DPY19L3: variants seen among roughly 807,000 people sequenced by gnomAD.
DPY19L3 encodes protein C-mannosyl-transferase DPY19L3.
A neutral mutation model predicts 92.3 loss-of-function variants in DPY19L3; 51 were observed. The observed-to-expected ratio is 0.55, with a 90% confidence interval of 0.44 to 0.70. DPY19L3 has a LOEUF of 0.70. DPY19L3 is among the 30% of genes least tolerant of loss of function. The probability of loss-of-function intolerance (pLI) is 0.00; values close to 1 mark genes in which losing one functional copy is unlikely to be tolerated. For missense variants in DPY19L3, 706 were observed against 855.9 expected (o/e 0.82, Z 2.18); for synonymous variants, 309 against 315.2 (o/e 0.98, Z 0.21).
At chr19:32,433,088 G>C (rs1969023249) in intron 4 of DPY19L3, among the ~76,000 whole-genome samples, 2 of 152,158 alleles carry the variant, frequency 1.3e-5, no homozygotes, top group African/African-American at 4.8e-5. Flanking sequence ...TCATTTTGGA[G>C]GAGGTCTTTG....
At chr19:32,448,707 C>G (rs962880818) in intron 8 of DPY19L3, among the ~76,000 whole-genome samples, 1 of 152,188 alleles carries the variant, frequency 6.6e-6, no homozygotes, top group Middle Eastern at 3.4e-3. Flanking sequence ...AGGGGTTAGT[C>G]TTACTGTCTC....
chr19:32,474,742 C>G (rs995559935), intron 16 of DPY19L3, among the ~76,000 whole-genome samples: 1 of 152,134 alleles, frequency 6.6e-6, no homozygotes, highest in South Asian at 2.1e-4. Flanking sequence ...AGGCACCCAC[C>G]ACCACGCCTG....
intron 16 of DPY19L3, 45 bp from the exon 17 acceptor site, chr19:32,477,477 G>C: frequency 6.2e-7 from 1 of 1,609,572 alleles, no homozygotes; most frequent in South Asian, 1.1e-5. Context: ...TTGTCTTTAA[G>C]GATCTCTTAA....
At chr19:32,407,485 C>T (rs1968012603) in intron 1 of DPY19L3, among the ~76,000 whole-genome samples, 1 of 152,180 alleles carries the variant, frequency 6.6e-6, no homozygotes, top group Non-Finnish European at 1.5e-5. Context: ...TCCCACGTGG[C>T]CACTTCTGTG....
intron 3 of DPY19L3, among the ~76,000 whole-genome samples, chr19:32,427,403 C>G (rs1968802875): frequency 6.6e-6 from 1 of 152,252 alleles, no homozygotes; most frequent in African/African-American, 2.4e-5. Context: ...GGCAGTTCTC[C>G]TTTGGCTATA....
At chr19:32,415,628 G>A (rs1308273660) in intron 3 of DPY19L3, among the ~76,000 whole-genome samples, 1 of 152,220 alleles carries the variant, frequency 6.6e-6, no homozygotes, top group Non-Finnish European at 1.5e-5. Flanking sequence ...AGGCTGTGAT[G>A]TGGAAAATGG....
intron 4 of DPY19L3, among the ~76,000 whole-genome samples, chr19:32,434,177 A>G (rs12463060): frequency 0.018 from 2,728 of 152,182 alleles, 253 homozygotes; most frequent in Admixed American, 0.15. Context: ...TAGTACTTTC[A>G]CAGTCATTCA....
intron 12 of DPY19L3, among the ~76,000 whole-genome samples, chr19:32,459,684 A>G (rs542451285): frequency 3.3e-5 from 5 of 152,328 alleles, no homozygotes; most frequent in South Asian, 2.1e-4. Flanking sequence ...GGCCTGCAGT[A>G]TCTTCCTGAA....
intron 3 of DPY19L3, among the ~76,000 whole-genome samples, chr19:32,414,343 C>G (rs1968304109): frequency 1.3e-5 from 2 of 151,902 alleles, no homozygotes; most frequent in Admixed American, 6.6e-5. Context: ...ATGGCGTGAA[C>G]CTGGGAGGCG....
At chr19:32,480,903 C>A in intron 18 of DPY19L3, 1 of 437,400 alleles carries the variant, frequency 2.3e-6, no homozygotes, top group Non-Finnish European at 4.0e-6. Context: ...ACCCACTGCT[C>A]CAACGCTTCG....
intron 3 of DPY19L3, among the ~76,000 whole-genome samples, chr19:32,428,821 GT>G (rs144012951): frequency 1.4e-5 from 2 of 146,304 alleles, no homozygotes; most frequent in South Asian, 2.2e-4. Flanking sequence ...TAGCTGTACA[GT>G]TTTTTTTTTG....
intron 4 of DPY19L3, among the ~76,000 whole-genome samples, chr19:32,434,683 C>T (rs1177695197): frequency 6.6e-6 from 1 of 152,128 alleles, no homozygotes; most frequent in Non-Finnish European, 1.5e-5. Context: ...AAAAAATTAA[C>T]TAATTAATTA....
intron 2 of DPY19L3, among the ~76,000 whole-genome samples, chr19:32,410,824 T>A (rs74534845): frequency 0.049 from 7,424 of 152,256 alleles, 468 homozygotes; most frequent in Admixed American, 0.18. Context: ...GTTTTTAAAA[T>A]AGCTTTTAAA....
chr19:32,426,508 G>A (rs1392239798), intron 3 of DPY19L3, among the ~76,000 whole-genome samples: 1 of 152,176 alleles, frequency 6.6e-6, no homozygotes. Flanking sequence ...TCCATTTAAA[G>A]TGAGAGATGT....
chr19:32,415,425 G>C (rs916979103), intron 3 of DPY19L3, among the ~76,000 whole-genome samples: 2 of 152,196 alleles, frequency 1.3e-5, no homozygotes, highest in African/African-American at 2.4e-5. Flanking sequence ...TGAAGCGTTG[G>C]CAGTAGTTCA....
chr19:32,434,276 C>G (rs568692474), intron 4 of DPY19L3, among the ~76,000 whole-genome samples: 1 of 152,170 alleles, frequency 6.6e-6, no homozygotes, highest in Non-Finnish European at 1.5e-5. Context: ...GCCTCCTTGT[C>G]TCGGCTCTCA....
chr19:32,418,057 A>T (rs964815125), intron 3 of DPY19L3, among the ~76,000 whole-genome samples: 5 of 152,122 alleles, frequency 3.3e-5, no homozygotes, highest in African/African-American at 1.2e-4. Flanking sequence ...TGTGTGGGTG[A>T]GATTGTTTCA....
In DPY19L3 at chr19:32,452,567, C is replaced by T. The variant is rs576376446; in HGVS notation, c.856-578C>T. On this transcript the variant is annotated intron_variant, in intron 8 of 18. Coordinates refer to ENST00000392250, the MANE Select transcript of DPY19L3 (RefSeq NM_001172774.2). The stretch of plus-strand genomic sequence containing the variant: ...CCTTGCCAATTCCCAGGAATAAATA[C>T]ATTCTGCTGTTGTTTACTTCCTCTA... 3.9e-5 allele frequency among the ~76,000 whole-genome samples: 6 copies of T among 152,340 alleles called. No individual in the cohort carries two copies. The South Asian group carries it at 1.2e-3, about 32-fold the overall frequency.
chr19:32,434,080 A>G (rs1336544257), intron 4 of DPY19L3, among the ~76,000 whole-genome samples: 9 of 152,146 alleles, frequency 5.9e-5, no homozygotes. Flanking sequence ...TTTTCCCCAT[A>G]CAATCAAACC....
Sources: allele counts gnomAD v4.1 joint callset (sites outside exome capture counted in the v4.1 genomes callset), GRCh38; gene constraint gnomAD v4.1.1; transcripts MANE v1.5; gene names NCBI Gene and HGNC (gene_info 2026-07-23, HGNC 2026-07-21).